Variants in ARHGAP6 observed in about 807,000 individuals in gnomAD.
ARHGAP6 encodes rho GTPase-activating protein 6.
In ARHGAP6, 16 loss-of-function variants were observed where a neutral mutation model predicts 55.7. The ratio of observed to expected loss-of-function variants is 0.29; its 90% CI spans 0.19 to 0.44. The LOEUF (loss-of-function observed/expected upper bound fraction) is 0.44. Ranked by LOEUF, ARHGAP6 falls within the 20% of genes least tolerant of loss-of-function variation. The pLI is 1.00. For synonymous variants in ARHGAP6, 382 were observed against 360.9 expected (o/e 1.06, Z -0.66); for missense variants, 698 against 808.9 (o/e 0.86, Z 1.66).
rs1321916115 is a variant in ARHGAP6 at position 11,664,605 on chromosome X, A to G, written c.224T>C (p.Leu75Pro). ...GGAAGAGGACGCCAAGCGAGGGCCGAGACTCTCGGCTGGGAGTGATGGGGA... is the reference window on the plus strand; with the variant it reads ...GGAAGAGGACGCCAAGCGAGGGCCGGGACTCTCGGCTGGGAGTGATGGGGA... Reference protein sequence around the residue: ...LYSPSLPAESLGPRLASSSRG... With the variant: ...LYSPSLPAESPGPRLASSSRG... Residue 75 changes from leucine (L) to proline (P), a missense_variant, in exon 1 of 13, where the codon CTC becomes CCC. Physicochemically the swap from Leu to Pro is moderately conservative, Grantham distance 98 (BLOSUM62 -3). Transcript: ENST00000337414. The G allele has an allele frequency of 8.5e-7, 1 of 1,173,711 alleles. No homozygotes were observed. The highest frequency in any genetic ancestry group is 1.1e-6 in the Non-Finnish European group (1 of 876,287).
At chrX:11,538,293 C>T (rs1035807341) in intron 1 of ARHGAP6, among the ~76,000 whole-genome samples, 2 of 112,329 alleles carry the variant, frequency 1.8e-5, no homozygotes, top group Admixed American at 9.4e-5. Flanking sequence ...TAATCTGAGA[C>T]ATCTGAAACT....
At chrX:11,497,226 G>T (rs1343584016) in intron 1 of ARHGAP6, among the ~76,000 whole-genome samples, 1 of 112,047 alleles carries the variant, frequency 8.9e-6, no homozygotes, top group African/African-American at 3.2e-5. Context: ...AGCCATGTTT[G>T]TGTGATACAA....
intron 1 of ARHGAP6, among the ~76,000 whole-genome samples, chrX:11,276,131 G>A (rs2047761235): frequency 9.0e-6 from 1 of 111,277 alleles, no homozygotes; most frequent in African/African-American, 3.3e-5. Flanking sequence ...GAGGAGGGGT[G>A]GGAATGTTTA....
At chrX:11,164,217 CTTCTT>C (rs1274854942) in intron 9 of ARHGAP6, among the ~76,000 whole-genome samples, 1 of 112,349 alleles carries the variant, frequency 8.9e-6, no homozygotes, top group Non-Finnish European at 1.9e-5. Flanking sequence ...CAAAATGCCT[CTTCTT>C]TTGTGTAAGG....
intron 6 of ARHGAP6, among the ~76,000 whole-genome samples, chrX:11,181,150 G>A (rs1475166729): frequency 9.0e-6 from 1 of 111,412 alleles, no homozygotes; most frequent in Non-Finnish European, 1.9e-5. Context: ...ATTAAATGTT[G>A]ATCCATTTAA....
chrX:11,282,509 T>A (rs55984432), intron 1 of ARHGAP6, among the ~76,000 whole-genome samples: 1,463 of 112,243 alleles, frequency 0.013, 15 homozygotes, highest in Middle Eastern at 0.028. Flanking sequence ...TAGAAAAACA[T>A]CCACTGATTC....
chrX:11,326,389 A>G (rs1163737271), intron 1 of ARHGAP6, among the ~76,000 whole-genome samples: 2 of 111,192 alleles, frequency 1.8e-5, no homozygotes, highest in Non-Finnish European at 3.8e-5. Flanking sequence ...TGGCCTCCCA[A>G]AGTGCTGGGA....
At chrX:11,180,044 GA>G in intron 6 of ARHGAP6, among the ~76,000 whole-genome samples, 1 of 109,738 alleles carries the variant, frequency 9.1e-6, no homozygotes, top group Middle Eastern at 4.7e-3. Context: ...ATGAAATTAA[GA>G]GCCCTGATAA....
intron 1 of ARHGAP6, among the ~76,000 whole-genome samples, chrX:11,497,559 T>TCTCTCTC (rs2050635811): frequency 2.7e-4 from 11 of 41,134 alleles, no homozygotes; most frequent in African/African-American, 3.7e-4. Context: ...CCCTCCCTCC[T>TCTCTCTC]TCTCTCTCTC....
intron 1 of ARHGAP6, among the ~76,000 whole-genome samples, chrX:11,567,566 A>AAAAAAAATATATATAT (rs1440758737): frequency 3.6e-5 from 3 of 84,403 alleles, no homozygotes; most frequent in African/African-American, 1.4e-4. Flanking sequence ...AAAAAAAAAA[A>AAAAAAAATATATATAT]ATATATATAT....
intron 1 of ARHGAP6, among the ~76,000 whole-genome samples, chrX:11,541,367 G>T (rs747384971): frequency 1.9e-4 from 21 of 110,997 alleles, no homozygotes; most frequent in African/African-American, 6.6e-4. Context: ...GGTGATTAGG[G>T]CAAGGGTTTG....
In ARHGAP6 at chrX:11,664,829, C is replaced by G; in HGVS notation, c.-1G>C. 1 of 1,177,455 alleles carries G rather than the reference C, an allele frequency of 8.5e-7. No homozygotes were observed. The highest frequency in any genetic ancestry group is 1.1e-6 in the Non-Finnish European group (1 of 879,394). On this transcript the variant is annotated 5_prime_UTR_variant, in exon 1 of 13. Transcript: ENST00000337414. ...TGTGGAGCAGGCTCTGCGCGGACAT[C>G]TCGGCGGGGCTGCACCTGAGGACCA...
intron 10 of ARHGAP6, among the ~76,000 whole-genome samples, chrX:11,145,626 C>A (rs1027057162): frequency 1.8e-5 from 2 of 112,344 alleles, no homozygotes; most frequent in Non-Finnish European, 3.8e-5. Flanking sequence ...CTGCATCTGT[C>A]TCACCTGGGA....
intron 1 of ARHGAP6, among the ~76,000 whole-genome samples, chrX:11,309,854 C>T (rs1200709675): frequency 9.0e-6 from 1 of 111,443 alleles, no homozygotes; most frequent in Non-Finnish European, 1.9e-5. Context: ...CATTAGCCAT[C>T]AGGGAAATGC....
At position 11,289,569 on chromosome X, in the gene ARHGAP6, T is replaced by C. The variant is rs181948698; in HGVS notation, c.589-34862A>G. ...GACTTTAAAAAATCTATTTTTCCAC[T>C]TAACAATGTATCACCAACATCTTTT... On this transcript the variant is annotated intron_variant, in intron 1 of 12. Coordinates refer to ENST00000337414, the MANE Select transcript of ARHGAP6 (RefSeq NM_013427.3). Among the ~76,000 whole-genome samples the C allele has an allele frequency of 8.0e-5, 9 of 112,230 alleles. No homozygotes were observed. In the East Asian group the frequency reaches 2.2e-3, roughly 28 times the overall value.
intron 10 of ARHGAP6, chrX:11,148,906 A>G (rs2045735843): frequency 4.6e-6 from 1 of 219,482 alleles, no homozygotes; most frequent in Non-Finnish European, 8.5e-6. Flanking sequence ...ATCTTGGATT[A>G]TATCAATGGT....
At chrX:11,557,115 A>G (rs1380048367) in intron 1 of ARHGAP6, among the ~76,000 whole-genome samples, 3 of 112,565 alleles carry the variant, frequency 2.7e-5, no homozygotes, top group African/African-American at 6.5e-5. Flanking sequence ...GAGGAAGAAG[A>G]AAAAGGAGAT....
Position 11,348,958 on chromosome X carries a change from T to C in ARHGAP6, c.589-94251A>G, listed in dbSNP as rs190773257. ...AAGATTCTCCTCCATAAATTAGATG[T>C]TTGGGAAAAATAGGCCAGGCACTAA... is the stretch of plus-strand genomic sequence containing the variant. On this transcript the variant is annotated intron_variant, in intron 1 of 12. Transcript: ENST00000337414. 1.7e-4 allele frequency among the ~76,000 whole-genome samples: 19 copies of C among 111,462 alleles called. No individual in the cohort carries two copies. In the East Asian group the frequency reaches 5.3e-3, roughly 31 times the overall value.
intron 1 of ARHGAP6, among the ~76,000 whole-genome samples, chrX:11,622,527 T>C (rs1189507303): frequency 2.7e-5 from 3 of 111,114 alleles, no homozygotes; most frequent in East Asian, 2.8e-4. Context: ...TGGGGGAAGA[T>C]AGGTAGGAGA....
Sources: allele counts gnomAD v4.1 joint callset (sites outside exome capture counted in the v4.1 genomes callset), GRCh38; gene constraint gnomAD v4.1.1; transcripts MANE v1.5; gene names NCBI Gene and HGNC (gene_info 2026-07-23, HGNC 2026-07-21).